ARHGAP5: variants seen among roughly 807,000 people sequenced by gnomAD.
ARHGAP5 encodes the protein Rho GTPase activating protein 5, also known as rho GTPase-activating protein 5.
ARHGAP5 carries 23 observed loss-of-function variants against 116.6 expected under a neutral mutation model. The observed-to-expected ratio is 0.20, with a 90% CI of 0.14 to 0.28. ARHGAP5 has a LOEUF of 0.28. Ranked by LOEUF, ARHGAP5 falls within the 10% of genes least tolerant of loss-of-function variation. The pLI is 1.00. For missense variants in ARHGAP5, 1,405 were observed against 1,774.8 expected, an observed-to-expected ratio of 0.79 and a Z score of 3.74; for synonymous variants, 574 against 602.0, an observed-to-expected ratio of 0.95 and a Z score of 0.68.
intron 3 of ARHGAP5, among the ~76,000 whole-genome samples, chr14:32,143,701 T>A (rs1046935371): frequency 6.6e-6 from 1 of 152,192 alleles, no homozygotes; most frequent in Non-Finnish European, 1.5e-5. Context: ...GATAATTTAG[T>A]CTGTTTTTGT....
intron 6 of ARHGAP5, among the ~76,000 whole-genome samples, chr14:32,153,017 T>C (rs1182797830): frequency 6.7e-6 from 1 of 150,308 alleles, no homozygotes; most frequent in African/African-American, 2.4e-5. Flanking sequence ...TAATATTTTC[T>C]ACTGGCATTT....
intron 3 of ARHGAP5, among the ~76,000 whole-genome samples, chr14:32,130,772 CCA>C: frequency 6.6e-6 from 1 of 152,256 alleles, no homozygotes; most frequent in Admixed American, 6.5e-5. Flanking sequence ...GCCTTGTGAT[CCA>C]CCTGCCTCGG....
At chr14:32,147,735 A>G (rs923735418) in intron 4 of ARHGAP5, among the ~76,000 whole-genome samples, 3 of 152,258 alleles carry the variant, frequency 2.0e-5, no homozygotes, top group Admixed American at 2.0e-4. Context: ...CATGTAAAAT[A>G]AAGATTTTAT....
intron 1 of ARHGAP5, among the ~76,000 whole-genome samples, chr14:32,090,003 A>G (rs774208610): frequency 1.3e-4 from 19 of 151,966 alleles, no homozygotes; most frequent in Non-Finnish European, 2.2e-4. Flanking sequence ...AAAAATTTGT[A>G]TATTCTAAAA....
intron 5 of ARHGAP5, among the ~76,000 whole-genome samples, chr14:32,150,705 C>T (rs1881601358): frequency 1.3e-5 from 2 of 152,154 alleles, no homozygotes; most frequent in Admixed American, 6.5e-5. Flanking sequence ...TTAAAGATTC[C>T]ACCTCTCAAC....
chr14:32,131,889 T>A (rs896134454), intron 3 of ARHGAP5, among the ~76,000 whole-genome samples: 19 of 152,170 alleles, frequency 1.2e-4, no homozygotes, highest in African/African-American at 4.1e-4. Flanking sequence ...CCAGTTTCAT[T>A]GATGTCCCTA....
chr14:32,112,870 C>CAA (rs879512762), intron 2 of ARHGAP5, among the ~76,000 whole-genome samples: 2 of 134,024 alleles, frequency 1.5e-5, no homozygotes. Context: ...GACTCCGCCT[C>CAA]AAAAAAAAAA....
At chr14:32,152,136 A>G (rs543601596) in intron 5 of ARHGAP5, among the ~76,000 whole-genome samples, 1 of 152,274 alleles carries the variant, frequency 6.6e-6, no homozygotes, top group African/African-American at 2.4e-5. Context: ...CAGGGGATCT[A>G]GGTTGTGCAC....
In ARHGAP5 at chr14:32,152,430, G is replaced by T. The variant is rs370895550; in HGVS notation, c.4083G>T (p.Pro1361=). Residue 1361 remains proline, a synonymous_variant, in exon 6 of 7, where the codon CCG becomes CCT. Coordinates refer to ENST00000345122, the MANE Select transcript of ARHGAP5 (RefSeq NM_001030055.2). ...HPELLEAAKI[P]DKTERLHALK... ...ACTGTTTTAATTTTACAGAAATCCC[G>T]GATAAAACAGAACGTCTTCATGCCT... is the stretch of plus-strand genomic sequence containing the variant. The T allele has an allele frequency of 6.3e-7, 1 of 1,592,122 alleles. No homozygotes were observed. Among genetic ancestry groups the T allele is most frequent in the Non-Finnish European group, 8.5e-7 (1 of 1,170,486 alleles).
At chr14:32,145,805 G>A (rs759004380) in intron 3 of ARHGAP5, among the ~76,000 whole-genome samples, 6 of 152,106 alleles carry the variant, frequency 3.9e-5, no homozygotes, top group Non-Finnish European at 2.9e-5. Context: ...ATAGAAAACA[G>A]TCCACTAAGA....
intron 3 of ARHGAP5, among the ~76,000 whole-genome samples, chr14:32,145,752 T>C (rs1881347598): frequency 6.6e-6 from 1 of 152,132 alleles, no homozygotes; most frequent in Non-Finnish European, 1.5e-5. Context: ...GAGAAATAAG[T>C]CTATTCATTT....
chr14:32,119,614 A>C (rs966232849), intron 3 of ARHGAP5, among the ~76,000 whole-genome samples: 6 of 152,120 alleles, frequency 3.9e-5, no homozygotes, highest in Non-Finnish European at 8.8e-5. Flanking sequence ...TTATTATTTT[A>C]TTAAGTATAA....
rs1378713591 is a variant in ARHGAP5, at chr14:32,158,775, A to C, written c.*3827A>C. 1 of 152,044 alleles carries C rather than the reference A, an allele frequency of 6.6e-6. No individual in the cohort carries two copies. Among genetic ancestry groups the C allele is most frequent in the African/African-American group, 2.4e-5 (1 of 41,452 alleles). 9.4% of individuals were successfully genotyped at this position (152,044 alleles called of 1,614,324 possible). On this transcript the variant is annotated 3_prime_UTR_variant, in exon 7 of 7. Coordinates refer to ENST00000345122, the MANE Select transcript of ARHGAP5 (RefSeq NM_001030055.2). The stretch of plus-strand genomic sequence containing the variant: ...ATTTAATAAGGGAAGATACTATTCA[A>C]ATCATTTTCTTAGGATAGCATCTTT...
intron 3 of ARHGAP5, among the ~76,000 whole-genome samples, chr14:32,121,423 A>T (rs930081510): frequency 6.6e-6 from 1 of 152,142 alleles, no homozygotes; most frequent in Non-Finnish European, 1.5e-5. Context: ...TACCACTTTA[A>T]TGTGTTTTAT....
At chr14:32,130,723 G>A (rs939425197) in intron 3 of ARHGAP5, among the ~76,000 whole-genome samples, 3 of 151,596 alleles carry the variant, frequency 2.0e-5, no homozygotes, top group Non-Finnish European at 2.9e-5. Flanking sequence ...AGTAGAGATG[G>A]GATTTCACCA....
Position 32,157,835 on chromosome 14 carries a change from T to C in ARHGAP5, c.*2887T>C, listed in dbSNP as rs1881961694. 3 of 151,168 alleles carry C rather than the reference T, an allele frequency of 2.0e-5. No individual in the cohort carries two copies. Among genetic ancestry groups the C allele is most frequent in the Admixed American group, 2.0e-4 (3 of 15,194 alleles). The allele number at this position is 151,168 out of a possible 1,614,324, so 9.4% of individuals were successfully genotyped here. On this transcript the variant is annotated 3_prime_UTR_variant, in exon 7 of 7. Transcript: ENST00000345122. ...TTTTGTTTATTTGGGTTTGTTTTTT[T>C]TTTTGAGGTACTGGAATCTAATTAA... is the stretch of plus-strand genomic sequence containing the variant.
chr14:32,087,099 A>T (rs2041836935), intron 1 of ARHGAP5, among the ~76,000 whole-genome samples: 1 of 152,108 alleles, frequency 6.6e-6, no homozygotes, highest in Non-Finnish European at 1.5e-5. Flanking sequence ...AGATATTAAG[A>T]CTGAAAGGAA....
Position 32,134,559 on chromosome 14 carries a change from T to C in ARHGAP5, c.3866-11704T>C, listed in dbSNP as rs551247324. Reference sequence around the variant, plus strand: ...TAGTAATGCATCATTAAAAACAGCATGAACACATTTACTTCAGCTGTTGTT... The same window carrying C: ...TAGTAATGCATCATTAAAAACAGCACGAACACATTTACTTCAGCTGTTGTT... On this transcript the variant is annotated intron_variant, in intron 3 of 6. Transcript: ENST00000345122. 4.6e-5 allele frequency among the ~76,000 whole-genome samples: 7 copies of C among 152,310 alleles called. No homozygotes were observed. The East Asian group carries it at 1.3e-3, about 29-fold the overall frequency.
intron 3 of ARHGAP5, among the ~76,000 whole-genome samples, chr14:32,130,107 A>G (rs1157845857): frequency 2.0e-5 from 3 of 151,156 alleles, no homozygotes; most frequent in Admixed American, 6.6e-5. Flanking sequence ...ATGTAATAAA[A>G]TATATATATA....
Sources: gnomAD v4.1 joint callset for allele counts (sites outside exome capture counted in the v4.1 genomes callset) on GRCh38, gnomAD v4.1.1 for gene constraint, MANE v1.5 for transcripts, NCBI Gene and HGNC (gene_info 2026-07-23, HGNC 2026-07-21) for gene names.